ABCD3: variants seen among roughly 807,000 people sequenced by gnomAD.
The protein encoded by ABCD3 is ATP-binding cassette sub-family D member 3.
Under a neutral mutation model 105.5 loss-of-function variants are expected in ABCD3, and 41 were observed. The ratio of observed to expected loss-of-function variants is 0.39; its 90% CI spans 0.30 to 0.50. The LOEUF is 0.50. ABCD3 is among the 20% of genes least tolerant of loss of function. ABCD3 has a pLI of 0.84. For missense variants in ABCD3, 622 were observed against 806.3 expected (o/e 0.77, Z 2.77); for synonymous variants, 258 against 269.0 (o/e 0.96, Z 0.40).
chr1:94,471,400 A>G (rs1435275302), intron 4 of ABCD3, among the ~76,000 whole-genome samples: 4 of 151,930 alleles, frequency 2.6e-5, no homozygotes, highest in Non-Finnish European at 4.4e-5. Context: ...TTTACAAAAT[A>G]TAAAAAAGTT....
At chr1:94,431,066 G>A (rs1032870373) in intron 1 of ABCD3, among the ~76,000 whole-genome samples, 3 of 152,092 alleles carry the variant, frequency 2.0e-5, no homozygotes, top group Non-Finnish European at 4.4e-5. Context: ...AATCATATTA[G>A]CATATTGGTG....
At chr1:94,457,267 TATAA>T (rs1280819445) in intron 1 of ABCD3, among the ~76,000 whole-genome samples, 2 of 152,214 alleles carry the variant, frequency 1.3e-5, no homozygotes, top group Non-Finnish European at 2.9e-5. Context: ...ATTTTAAACA[TATAA>T]ATAATCATAT....
chr1:94,407,519 C>T, the ABCD3 span, among the ~76,000 whole-genome samples: 2 of 152,168 alleles, frequency 1.3e-5, no homozygotes, highest in Non-Finnish European at 2.9e-5. Flanking sequence ...TTGCACATTT[C>T]TTGTAAGTTT....
Position 94,499,765 on chromosome 1 carries a change from T to C in ABCD3, c.1740+151T>C, listed in dbSNP as rs530819146. 1.2e-4 allele frequency: 121 copies of C among 1,001,680 alleles called. 4 individuals are homozygous for C. In the South Asian group the frequency reaches 1.8e-3, roughly 15 times the overall value. The allele number at this position is 1,001,680 out of a possible 1,614,324, so 62.0% of individuals were successfully genotyped here. A position where few individuals can be genotyped will look rare whatever the true frequency, so the allele number is the denominator to read the frequency against. ...TATCATAAAAGTGCTTGAAAATCTT[T>C]AACTTGCATGTAAATTTGGAATTCT... On this transcript the variant is annotated intron_variant, in intron 20 of 22. Transcript: ENST00000370214.
At chr1:94,474,720 T>C (rs1648648515) in intron 5 of ABCD3, among the ~76,000 whole-genome samples, 1 of 132,782 alleles carries the variant, frequency 7.5e-6, no homozygotes, top group Non-Finnish European at 1.8e-5. Flanking sequence ...GTAAAACCTG[T>C]AGTGTTTTTT....
intron 1 of ABCD3, among the ~76,000 whole-genome samples, chr1:94,420,422 C>T (rs933841445): frequency 6.6e-6 from 1 of 152,084 alleles, no homozygotes; most frequent in Non-Finnish European, 1.5e-5. Flanking sequence ...CCTCATTTGC[C>T]ATTGTAAAAT....
chr1:94,416,451 G>A (rs2100856155), upstream of ABCD3, among the ~76,000 whole-genome samples: 1 of 152,176 alleles, frequency 6.6e-6, no homozygotes, highest in South Asian at 2.1e-4. Flanking sequence ...AGCCTCTGGA[G>A]AATATGATCT....
At chr1:94,440,342 T>C (rs1660085585) in intron 1 of ABCD3, among the ~76,000 whole-genome samples, 1 of 152,268 alleles carries the variant, frequency 6.6e-6, no homozygotes, top group African/African-American at 2.4e-5. Flanking sequence ...CTGTTTACTA[T>C]CTGAGATCTC....
At chr1:94,457,215 G>A (rs1647618890) in intron 1 of ABCD3, among the ~76,000 whole-genome samples, 1 of 152,046 alleles carries the variant, frequency 6.6e-6, no homozygotes, top group Admixed American at 6.5e-5. Flanking sequence ...GTTTTGTCGT[G>A]CTAAAATGCA....
chr1:94,451,615 G>A (rs541708037), intron 1 of ABCD3, among the ~76,000 whole-genome samples: 2 of 152,246 alleles, frequency 1.3e-5, no homozygotes, highest in East Asian at 1.9e-4. Flanking sequence ...CAACATCTCT[G>A]CTCATGAACT....
At chr1:94,470,362 T>A (rs1349339258) in intron 4 of ABCD3, among the ~76,000 whole-genome samples, 1 of 152,188 alleles carries the variant, frequency 6.6e-6, no homozygotes, top group African/African-American at 2.4e-5. Context: ...CCACTAGAGA[T>A]TCTGATTCAA....
At chr1:94,410,011 A>G in the ABCD3 span, among the ~76,000 whole-genome samples, 1 of 152,234 alleles carries the variant, frequency 6.6e-6, no homozygotes, top group Non-Finnish European at 1.5e-5. Context: ...GATGGACTCC[A>G]TATACAGACG....
At chr1:94,466,028 C>G (rs1217681880) in intron 3 of ABCD3, among the ~76,000 whole-genome samples, 1 of 152,134 alleles carries the variant, frequency 6.6e-6, no homozygotes, top group Non-Finnish European at 1.5e-5. Context: ...ACTTTGGCAT[C>G]ATCTCCTGAT....
chr1:94,499,343 A>G, intron 19 of ABCD3, 152 bp from the exon 20 acceptor site: 2 of 906,278 alleles, frequency 2.2e-6, no homozygotes, highest in Non-Finnish European at 3.4e-6. Flanking sequence ...TGAAAGGTTC[A>G]GGGCTACCTT....
Position 94,464,806 on chromosome 1 carries a change from A to G in ABCD3, c.179A>G (p.Asp60Gly), listed in dbSNP as rs759013910. 3 of 1,613,848 alleles carry G rather than the reference A, an allele frequency of 1.9e-6. No individual in the cohort carries two copies. Among genetic ancestry groups the G allele is most frequent in the East Asian group, 2.2e-5 (1 of 44,846 alleles). Residue 60 changes from aspartate to glycine, a missense_variant, in exon 3 of 23, where the codon GAC (aspartate) becomes GGC (glycine). This residue lies in a region of ABCD3 where 89 missense variants were observed against 77.5 expected (regional missense o/e 1.15). Coordinates refer to ENST00000370214, the MANE Select transcript of ABCD3 (RefSeq NM_002858.4). ...KEGKKERAVV[D>G]KVFFSRLIQI... ...GGGAAAAAGGAGCGAGCTGTGGTGG[A>G]CAAGGTGTTTTTCTCAAGGCTCATA... is the stretch of plus-strand genomic sequence containing the variant.
In ABCD3 at chr1:94,464,810, G is replaced by A. The variant is rs374901500; in HGVS notation, c.183G>A (p.Lys61=). 5 of 1,613,738 alleles carry A rather than the reference G, an allele frequency of 3.1e-6. No homozygotes were observed. The South Asian group carries it at 4.4e-5, about 14-fold the overall frequency. Reference sequence around the variant, plus strand: ...AAAAGGAGCGAGCTGTGGTGGACAAGGTGTTTTTCTCAAGGCTCATACAGA... The same window carrying A: ...AAAAGGAGCGAGCTGTGGTGGACAAAGTGTTTTTCTCAAGGCTCATACAGA... ...EGKKERAVVD[K]VFFSRLIQIL... is the part of the protein sequence containing the mutation. The change falls in exon 3 of 23, where the codon AAG becomes AAA. Residue 61 remains lysine (K), a synonymous_variant. Transcript: ENST00000370214.
Position 94,487,714 on chromosome 1 carries a change from T to A in ABCD3, c.988T>A (p.Tyr330Asn), listed in dbSNP as rs1649337979. The A allele has an allele frequency of 6.2e-7, 1 of 1,614,090 alleles. No individual in the cohort carries two copies. Residue 330 changes from tyrosine (Y) to asparagine (N), a missense_variant, in exon 12 of 23, where the codon TAC becomes AAC. Physicochemically the swap from Tyr to Asn is moderately radical, Grantham distance 143 (BLOSUM62 -2). This residue lies in a region of ABCD3 where 245 missense variants were observed against 356.4 expected (regional missense o/e 0.69). Transcript: ENST00000370214. ...TTCAGACCTTGCCACTGTTGTTGGT[T>A]ACCTAGTTGTCAGTCGCCCTTTCTT... ...IAKYLATVVG[Y>N]LVVSRPFLDL...
Position 94,487,572 on chromosome 1 carries a change from C to A in ABCD3, c.928C>A (p.Arg310=). The part of the protein sequence containing the change: ...VEHLHNFILF[R]FSMGFIDSII... ...ACACCTACATAATTTCATTTTGTTT[C>A]GGTTTTCAATGGGCTTCATTGATAG... Residue 310 remains arginine, a synonymous_variant, in exon 11 of 23, where the codon CGG becomes AGG. Transcript: ENST00000370214. 6.2e-7 allele frequency: 1 copy of A among 1,613,588 alleles called. No individual in the cohort carries two copies. Among genetic ancestry groups the A allele is most frequent in the Non-Finnish European group, 8.5e-7 (1 of 1,179,824 alleles).
intron 1 of ABCD3, among the ~76,000 whole-genome samples, chr1:94,457,030 A>C (rs1296140175): frequency 1.3e-5 from 2 of 152,160 alleles, no homozygotes; most frequent in Admixed American, 6.5e-5. Context: ...CATACTAGCC[A>C]GCCATTTATA....
Sources: allele counts gnomAD v4.1 joint callset (sites outside exome capture counted in the v4.1 genomes callset), GRCh38; gene constraint gnomAD v4.1.1; regional missense constraint gnomAD v4.1.1; transcripts MANE v1.5; gene names NCBI Gene and HGNC (gene_info 2026-07-23, HGNC 2026-07-21).